Variants in RSU1 observed in about 807,000 individuals in gnomAD.
RSU1 encodes rsu-1.
In RSU1, 26 loss-of-function variants were observed where a neutral mutation model predicts 31.1. The ratio of observed to expected loss-of-function variants is 0.84; its 90% CI spans 0.61 to 1.16. The LOEUF (loss-of-function observed/expected upper bound fraction) is 1.16, where lower values mean the gene tolerates loss of function less well. Ranked by LOEUF, RSU1 falls within the 50% of genes most tolerant of loss-of-function variation. RSU1 has a pLI of 0.00. For missense variants in RSU1, 320 were observed against 339.1 expected (o/e 0.94, Z 0.44); for synonymous variants, 164 against 136.3 (o/e 1.20, Z -1.41).
At chr10:16,711,104 T>C (rs1209219148) in intron 7 of RSU1, among the ~76,000 whole-genome samples, 1 of 152,232 alleles carries the variant, frequency 6.6e-6, no homozygotes, top group Middle Eastern at 3.2e-3. Context: ...TATTAGTCTG[T>C]TCAGATCTTT....
intron 2 of RSU1, among the ~76,000 whole-genome samples, chr10:16,784,361 T>A (rs1219189992): frequency 6.6e-6 from 1 of 152,194 alleles, no homozygotes; most frequent in Non-Finnish European, 1.5e-5. Context: ...TCGGTATTAG[T>A]CCATTCTGGC....
chr10:16,785,453 T>TATATATATACACACAA (rs1837763323), intron 2 of RSU1, among the ~76,000 whole-genome samples: 3 of 118,764 alleles, frequency 2.5e-5, no homozygotes, highest in African/African-American at 3.9e-5. Flanking sequence ...CATATATACA[T>TATATATATACACACAA]ATATACATAT....
intron 7 of RSU1, among the ~76,000 whole-genome samples, chr10:16,709,212 T>A (rs904222609): frequency 6.6e-6 from 1 of 151,932 alleles, no homozygotes; most frequent in African/African-American, 2.4e-5. Flanking sequence ...GTTCTCATTG[T>A]TCAATTCCCA....
At chr10:16,682,430 A>C (rs1035169881) in intron 8 of RSU1, among the ~76,000 whole-genome samples, 2 of 152,104 alleles carry the variant, frequency 1.3e-5, no homozygotes, top group African/African-American at 2.4e-5. Context: ...TTTTGCTTTA[A>C]AGATAATATT....
chr10:16,761,644 C>G (rs549098924), intron 4 of RSU1, among the ~76,000 whole-genome samples: 1 of 152,206 alleles, frequency 6.6e-6, no homozygotes, highest in Non-Finnish European at 1.5e-5. Flanking sequence ...ATCATGAGGT[C>G]AGGAGATAAA....
chr10:16,748,370 T>A (rs1836901780), intron 7 of RSU1: 1 of 149,196 alleles, frequency 6.7e-6, no homozygotes, highest in African/African-American at 2.6e-5. Flanking sequence ...TCTGTCACCA[T>A]GTCTTCTACT....
At chr10:16,740,178 T>C (rs926522912) in intron 7 of RSU1, among the ~76,000 whole-genome samples, 1 of 151,704 alleles carries the variant, frequency 6.6e-6, no homozygotes, top group Admixed American at 6.6e-5. Flanking sequence ...CAAACTAATA[T>C]CCCTCATGAA....
intron 7 of RSU1, among the ~76,000 whole-genome samples, chr10:16,741,775 G>A (rs1836758554): frequency 6.6e-6 from 1 of 152,180 alleles, no homozygotes; most frequent in African/African-American, 2.4e-5. Context: ...GGGAAGGTAG[G>A]AAGCAGGAAA....
intron 8 of RSU1, among the ~76,000 whole-genome samples, chr10:16,665,809 A>G (rs1834978403): frequency 6.6e-6 from 1 of 152,194 alleles, no homozygotes; most frequent in Admixed American, 6.5e-5. Context: ...AATTTAGACA[A>G]ATTTCTATTA....
chr10:16,752,684 T>C, intron 6 of RSU1, 31 bp from the exon 7 acceptor site: 2 of 1,517,394 alleles, frequency 1.3e-6, no homozygotes, highest in Non-Finnish European at 9.2e-7. Flanking sequence ...TGTCAACATA[T>C]TTACACATTA....
At chr10:16,638,253 A>G (rs1834380089) in intron 8 of RSU1, among the ~76,000 whole-genome samples, 1 of 152,192 alleles carries the variant, frequency 6.6e-6, no homozygotes, top group African/African-American at 2.4e-5. Context: ...TGCATATCAG[A>G]AAACAGTCTC....
At chr10:16,814,686 A>G (rs802171) in intron 2 of RSU1, among the ~76,000 whole-genome samples, 92,027 of 151,880 alleles carry the variant, frequency 0.61, 29,659 homozygotes, top group African/African-American at 0.83. Flanking sequence ...GCCAGAGGAG[A>G]TGGAATCTGC....
chr10:16,687,242 TAG>T (rs1835456536), intron 8 of RSU1, among the ~76,000 whole-genome samples: 1 of 152,176 alleles, frequency 6.6e-6, no homozygotes, highest in Middle Eastern at 3.2e-3. Flanking sequence ...TAAGCCCTAG[TAG>T]AGTTTCACCT....
intron 8 of RSU1, among the ~76,000 whole-genome samples, chr10:16,600,772 G>A (rs1833704252): frequency 1.3e-5 from 2 of 152,170 alleles, no homozygotes; most frequent in Admixed American, 1.3e-4. Context: ...TATGTTGCTA[G>A]GCTGGTTTCA....
chr10:16,687,104 A>G (rs1835453961), intron 8 of RSU1, among the ~76,000 whole-genome samples: 1 of 152,228 alleles, frequency 6.6e-6, no homozygotes, highest in African/African-American at 2.4e-5. Context: ...ATGGGAGGGT[A>G]CATTTTCCAA....
chr10:16,718,982 CAAA>C (rs796946983), intron 7 of RSU1, among the ~76,000 whole-genome samples: 6 of 111,616 alleles, frequency 5.4e-5, no homozygotes, highest in African/African-American at 2.2e-4. Context: ...AACTTCATCT[CAAA>C]AAAAAAAAAA....
At chr10:16,708,180 C>T (rs1165946784) in intron 7 of RSU1, among the ~76,000 whole-genome samples, 2 of 152,176 alleles carry the variant, frequency 1.3e-5, no homozygotes, top group Non-Finnish European at 2.9e-5. Context: ...TAATAGCCTA[C>T]TATTGATCAG....
chr10:16,715,849 G>T (rs1836128885), intron 7 of RSU1, among the ~76,000 whole-genome samples: 1 of 152,210 alleles, frequency 6.6e-6, no homozygotes, highest in African/African-American at 2.4e-5. Flanking sequence ...ACATCAGCGA[G>T]ATTTTCATAG....
chr10:16,696,840 C>G (rs1330183101), intron 7 of RSU1, among the ~76,000 whole-genome samples: 2 of 133,414 alleles, frequency 1.5e-5, no homozygotes, highest in East Asian at 2.2e-4. Flanking sequence ...TGCCATTGAT[C>G]TTTGTTTTTA....
Sources: gnomAD v4.1 joint callset for allele counts (sites outside exome capture counted in the v4.1 genomes callset) on GRCh38, gnomAD v4.1.1 for gene constraint, MANE v1.5 for transcripts, NCBI Gene and HGNC (gene_info 2026-07-23, HGNC 2026-07-21) for gene names.